DPYSL2: variants seen among roughly 807,000 people sequenced by gnomAD.
The protein encoded by DPYSL2 is dihydropyrimidinase-related protein 2.
Under a neutral mutation model 69.9 loss-of-function variants are expected in DPYSL2, and 13 were observed. That is an observed-to-expected ratio of 0.19 (90% CI 0.12 to 0.30). The LOEUF (loss-of-function observed/expected upper bound fraction) is 0.30, where lower values mean the gene tolerates loss of function less well. Among genes scored for constraint, DPYSL2 ranks in the 10% least tolerant of loss-of-function variants. The probability of loss-of-function intolerance (pLI) is 1.00; values close to 1 mark genes in which losing one functional copy is unlikely to be tolerated. For synonymous variants in DPYSL2, 326 were observed against 359.1 expected (o/e 0.91, Z 1.04); for missense variants, 587 against 918.9 (o/e 0.64, Z 4.67).
intron 8 of DPYSL2, among the ~76,000 whole-genome samples, chr8:26,638,319 G>A (rs546503819): frequency 2.2e-4 from 34 of 152,310 alleles, no homozygotes; most frequent in Admixed American, 1.9e-3. Flanking sequence ...AAGCAGACTC[G>A]AAATTTTGCT....
In DPYSL2 at chr8:26,605,905, G is replaced by A. The variant is rs974469825; in HGVS notation, c.629-18238G>A. ...AATTTTAAAATTGAAAACCTCAAAA[G>A]GTGGTTGAGTTTTTGTTTTGTTTTC... is the stretch of plus-strand genomic sequence containing the variant. On this transcript the variant is annotated intron_variant, in intron 3 of 13. Transcript: ENST00000521913. The surrounding 1 kb of genome is among the most constrained non-coding windows in gnomAD (Gnocchi z 4.1). Among the ~76,000 whole-genome samples, 2 of 152,144 alleles carry A rather than the reference G, an allele frequency of 1.3e-5. No individual in the cohort carries two copies. Among genetic ancestry groups the A allele is most frequent in the Non-Finnish European group, 2.9e-5 (2 of 68,034 alleles).
chr8:26,613,596 A>G (rs1802284755), intron 3 of DPYSL2, among the ~76,000 whole-genome samples: 2 of 152,174 alleles, frequency 1.3e-5, no homozygotes, highest in Admixed American at 1.3e-4. Flanking sequence ...CCAGTGAGTG[A>G]TGAGGAAGAC....
chr8:26,524,117 C>A (rs1808436984), intron 1 of DPYSL2, among the ~76,000 whole-genome samples: 1 of 152,304 alleles, frequency 6.6e-6, no homozygotes, highest in African/African-American at 2.4e-5. Context: ...AGTGGTTATA[C>A]CATTTGACAT....
Position 26,647,491 on chromosome 8 carries a change from C to A in DPYSL2, c.1426-139C>A. 1.2e-6 allele frequency: 1 copy of A among 860,660 alleles called. No individual in the cohort carries two copies. Among genetic ancestry groups the A allele is most frequent in the Non-Finnish European group, 1.8e-6 (1 of 553,552 alleles). The allele number at this position is 860,660 out of a possible 1,614,324, so 53.3% of individuals were successfully genotyped here. The stretch of plus-strand genomic sequence containing the variant: ...GTCATACAGTGTGTGACCTTTGAGA[C>A]GGTTTGTGTTTCACTTGGCACAACG... On this transcript the variant is annotated intron_variant, in intron 10 of 13. Coordinates refer to ENST00000521913, the MANE Select transcript of DPYSL2 (RefSeq NM_001197293.3). The surrounding 1 kb of genome is among the most constrained non-coding windows in gnomAD (Gnocchi z 5.1).
In DPYSL2 at chr8:26,591,490, T is replaced by C. The variant is rs1176451136; in HGVS notation, c.628+7507T>C. On this transcript the variant is annotated intron_variant, in intron 3 of 13. Coordinates refer to ENST00000521913, the MANE Select transcript of DPYSL2 (RefSeq NM_001197293.3). This position sits in a 1 kb window ranked among gnomAD's most constrained non-coding sequence, Gnocchi z 5.8. ...AGGACAGCGATCGTGGCCTCTCCAT[T>C]TTCCTAAGGCCCCTGCATGCCTGGA... 6.6e-6 allele frequency among the ~76,000 whole-genome samples: 1 copy of C among 152,188 alleles called. No individual in the cohort carries two copies. The highest frequency in any genetic ancestry group is 1.5e-5 in the Non-Finnish European group (1 of 68,026).
chr8:26,527,901 CAAGCA>C (rs1289682888), intron 1 of DPYSL2, among the ~76,000 whole-genome samples: 1 of 150,920 alleles, frequency 6.6e-6, no homozygotes, highest in Non-Finnish European at 1.5e-5. Context: ...TTCCCAGACT[CAAGCA>C]ATTCTCTTGC....
At chr8:26,573,914 A>G (rs1801283774) in intron 1 of DPYSL2, among the ~76,000 whole-genome samples, 1 of 141,934 alleles carries the variant, frequency 7.0e-6, no homozygotes, top group Admixed American at 7.1e-5. Context: ...TTTTTTTGAC[A>G]TTAAAACTCA....
chr8:26,518,012 C>T (rs1447788546), intron 1 of DPYSL2, among the ~76,000 whole-genome samples: 1 of 152,224 alleles, frequency 6.6e-6, no homozygotes, highest in African/African-American at 2.4e-5. Context: ...GCAACAGGTT[C>T]TAAAATCAGT....
chr8:26,628,340 C>T (rs986806377), intron 7 of DPYSL2, among the ~76,000 whole-genome samples: 9 of 152,164 alleles, frequency 5.9e-5, no homozygotes, highest in Non-Finnish European at 1.2e-4. Context: ...GCCTAGAAGG[C>T]GTGTGGGGAA....
chr8:26,557,753 C>T (rs1801013203), intron 1 of DPYSL2, among the ~76,000 whole-genome samples: 1 of 151,838 alleles, frequency 6.6e-6, no homozygotes, highest in African/African-American at 2.4e-5. Flanking sequence ...CACACCACTG[C>T]ACTCCAGCCT....
intron 1 of DPYSL2, among the ~76,000 whole-genome samples, chr8:26,541,690 G>T (rs530071558): frequency 6.6e-6 from 1 of 152,080 alleles, no homozygotes; most frequent in Non-Finnish European, 1.5e-5. Flanking sequence ...CTTGTGTGGG[G>T]GAGTAAAATG....
In DPYSL2 at chr8:26,554,455, A is replaced by G. The variant is rs187979942; in HGVS notation, c.355-27514A>G. On this transcript the variant is annotated intron_variant, in intron 1 of 13. Transcript: ENST00000521913. Reference sequence around the variant, plus strand: ...GCGTAGTTTGCAAATATTTTTTCCCATTCTGTAAGTTGTCTGTTTACTCTG... The same window carrying G: ...GCGTAGTTTGCAAATATTTTTTCCCGTTCTGTAAGTTGTCTGTTTACTCTG... 3.5e-3 allele frequency among the ~76,000 whole-genome samples: 521 copies of G among 150,884 alleles called. 1 individual carries two copies. The highest frequency in any genetic ancestry group is 4.5e-3 in the Non-Finnish European group (307 of 67,780).
At chr8:26,572,791 G>A (rs1442872964) in intron 1 of DPYSL2, among the ~76,000 whole-genome samples, 3 of 152,280 alleles carry the variant, frequency 2.0e-5, no homozygotes, top group East Asian at 1.9e-4. Context: ...GAGCTACTGC[G>A]CCTGGTCAGG....
chr8:26,597,866 C>A lies in DPYSL2; in HGVS notation c.628+13883C>A, dbSNP rs984615987. ...GAATTGTGTTCTGGGTATTGTTTTT[C>A]TCCTTTATGGAGATAATCCAGGGAG... is the stretch of plus-strand genomic sequence containing the variant. On this transcript the variant is annotated intron_variant, in intron 3 of 13. Coordinates refer to ENST00000521913, the MANE Select transcript of DPYSL2 (RefSeq NM_001197293.3). The surrounding 1 kb of genome is among the most constrained non-coding windows in gnomAD (Gnocchi z 5.2). 7.1e-6 allele frequency among the ~76,000 whole-genome samples: 1 copy of A among 140,612 alleles called. No homozygotes were observed. 92.2% of individuals were successfully genotyped at this position (140,612 alleles called of 152,430 possible).
chr8:26,626,606 G>A lies in DPYSL2; in HGVS notation c.794-11G>A. On this transcript the variant is annotated splice_polypyrimidine_tract_variant and intron_variant, in intron 4 of 13. Coordinates refer to ENST00000521913, the MANE Select transcript of DPYSL2 (RefSeq NM_001197293.3). This position sits in a 1 kb window ranked among gnomAD's most constrained non-coding sequence, Gnocchi z 4.3. ...TATTAAAAGTCCACTTCTCTATTTT[G>A]TCCGCACTAGGGGTAAATTCCTTCC... The A allele has an allele frequency of 6.2e-7, 1 of 1,613,344 alleles. No homozygotes were observed. Among genetic ancestry groups the A allele is most frequent in the Non-Finnish European group, 8.5e-7 (1 of 1,179,762 alleles).
At chr8:26,577,216 C>A (rs17088240) in intron 1 of DPYSL2, 98 of 421,844 alleles carry the variant, frequency 2.3e-4, no homozygotes, top group African/African-American at 9.7e-4. Context: ...CAGCCTCCCC[C>A]CGGCCCGCGC....
At position 26,583,922 on chromosome 8, in the gene DPYSL2, G is replaced by A. The variant is rs760196137; in HGVS notation, c.567G>A (p.Thr189=). 4.5e-5 allele frequency: 73 copies of A among 1,614,050 alleles called. No homozygotes were observed. Among genetic ancestry groups the A allele is most frequent in the South Asian group, 6.6e-5 (6 of 91,088 alleles). ...TRFQMPDQGM[T]SADDFFQGTK... The stretch of plus-strand genomic sequence containing the variant: ...TCCAGATGCCTGATCAGGGAATGAC[G>A]TCTGCTGATGATTTCTTCCAAGGAA... Residue 189 remains threonine, a synonymous_variant, in exon 3 of 14, where the codon ACG becomes ACA. Coordinates refer to ENST00000521913, the MANE Select transcript of DPYSL2 (RefSeq NM_001197293.3).
rs1801896952 is a variant in DPYSL2, at chr8:26,597,723, C to T, written c.628+13740C>T. Among the ~76,000 whole-genome samples the T allele has an allele frequency of 6.6e-6, 1 of 151,632 alleles. No homozygotes were observed. The highest frequency in any genetic ancestry group is 6.6e-5 in the Admixed American group (1 of 15,228). On this transcript the variant is annotated intron_variant, in intron 3 of 13. Coordinates refer to ENST00000521913, the MANE Select transcript of DPYSL2 (RefSeq NM_001197293.3). The surrounding 1 kb of genome is among the most constrained non-coding windows in gnomAD (Gnocchi z 5.2). ...TCTCCTGACCTTGTGATCCACCCGCCTCGGCCTCCCAAAGTGCTGGGATTA... is the reference window on the plus strand; with the variant it reads ...TCTCCTGACCTTGTGATCCACCCGCTTCGGCCTCCCAAAGTGCTGGGATTA...
chr8:26,611,970 C>A (rs1802239660), intron 3 of DPYSL2, among the ~76,000 whole-genome samples: 1 of 152,200 alleles, frequency 6.6e-6, no homozygotes, highest in Non-Finnish European at 1.5e-5. Flanking sequence ...GTTGATGAAG[C>A]TGGGAGAAGG....
Sources: allele counts gnomAD v4.1 joint callset (sites outside exome capture counted in the v4.1 genomes callset), GRCh38; gene constraint gnomAD v4.1.1; non-coding constraint Gnocchi (gnomAD v3.1); transcripts MANE v1.5; gene names NCBI Gene and HGNC (gene_info 2026-07-23, HGNC 2026-07-21).